The following DCDC1 variants were observed in gnomAD, a reference collection of about 807,000 sequenced individuals.
The protein encoded by DCDC1 is doublecortin domain containing 1.
A neutral mutation model predicts 178.3 loss-of-function variants in DCDC1; 200 were observed. The observed-to-expected ratio is 1.12, with a 90% CI of 1.00 to 1.26. The LOEUF (loss-of-function observed/expected upper bound fraction) is 1.26. Among genes scored for constraint, DCDC1 ranks in the 50% most tolerant of loss-of-function variants. The pLI is 0.00. For missense variants in DCDC1, 1,983 were observed against 1,749.2 expected (o/e 1.13, Z -2.38); for synonymous variants, 690 against 604.8 (o/e 1.14, Z -2.07).
rs978751309 is a variant in DCDC1 at position 31,094,178 on chromosome 11, G to A, written c.1990C>T (p.Pro664Ser). The change falls in exon 16 of 39, where the codon CCC becomes TCC. Residue 664 changes from proline to serine, a missense_variant. Coordinates refer to ENST00000684477, the MANE Select transcript of DCDC1 (RefSeq NM_001387274.1). ...ACAGAGGCATGAAGGACAATATTGG[G>A]ATCTACCTGTATCATAAGAAGAAGT... ...ENHFLQNKVD[P>S]NIVLHASVSI... 1 of 766,052 alleles carries A rather than the reference G, an allele frequency of 1.3e-6. No individual in the cohort carries two copies. Among genetic ancestry groups the A allele is most frequent in the Middle Eastern group, 2.3e-4 (1 of 4,428 alleles). 47.5% of individuals were successfully genotyped at this position (766,052 alleles called of 1,614,324 possible).
chr11:30,883,998 T>C (rs1212817130), intron 36 of DCDC1, among the ~76,000 whole-genome samples: 1 of 137,428 alleles, frequency 7.3e-6, no homozygotes, highest in African/African-American at 2.7e-5. Flanking sequence ...AAAAAGGAGG[T>C]GGGCAAGAAA....
chr11:31,162,076 T>C (rs1322536635), intron 9 of DCDC1, among the ~76,000 whole-genome samples: 1 of 152,192 alleles, frequency 6.6e-6, no homozygotes, highest in African/African-American at 2.4e-5. Context: ...GTTAATCTCA[T>C]GTTTTGGTAT....
At chr11:31,296,946 T>C (rs1422179239) in intron 6 of DCDC1, among the ~76,000 whole-genome samples, 2 of 152,172 alleles carry the variant, frequency 1.3e-5, no homozygotes, top group African/African-American at 2.4e-5. Context: ...AATATGAGAT[T>C]TCCGTGGGGA....
chr11:31,070,620 A>G (rs1378770705), intron 18 of DCDC1, among the ~76,000 whole-genome samples: 1 of 152,222 alleles, frequency 6.6e-6, no homozygotes, highest in Non-Finnish European at 1.5e-5. Flanking sequence ...TTCAACTTCC[A>G]TAACAGAGAA....
At chr11:31,097,538 T>C (rs1176398431) in intron 15 of DCDC1, among the ~76,000 whole-genome samples, 3 of 152,234 alleles carry the variant, frequency 2.0e-5, no homozygotes, top group Non-Finnish European at 4.4e-5. Context: ...TTCTCTCTTA[T>C]TGTTTCTATG....
At chr11:31,016,632 G>A (rs568052521) in intron 20 of DCDC1, among the ~76,000 whole-genome samples, 8 of 152,126 alleles carry the variant, frequency 5.3e-5, no homozygotes, top group African/African-American at 9.7e-5. Flanking sequence ...AATGCATTCC[G>A]TGGACAAAGC....
At chr11:31,049,467 A>G (rs979647318) in intron 20 of DCDC1, among the ~76,000 whole-genome samples, 2 of 152,228 alleles carry the variant, frequency 1.3e-5, no homozygotes, top group African/African-American at 4.8e-5. Context: ...CTAGACAAGA[A>G]TTAAAGATGT....
At chr11:31,133,000 T>C (rs542460078) in intron 10 of DCDC1, among the ~76,000 whole-genome samples, 3 of 152,360 alleles carry the variant, frequency 2.0e-5, no homozygotes, top group Admixed American at 2.0e-4. Context: ...CATGTTTGTA[T>C]GGTGTATGCA....
chr11:30,963,345 T>G (rs1949230544), intron 20 of DCDC1, among the ~76,000 whole-genome samples: 1 of 152,138 alleles, frequency 6.6e-6, no homozygotes, highest in East Asian at 1.9e-4. Context: ...TGTCAACTAA[T>G]TTTGCTTAAA....
At chr11:30,881,065 A>G in intron 37 of DCDC1, 93 bp downstream of exon 37, 1 of 1,398,442 alleles carries the variant, frequency 7.2e-7, no homozygotes, top group Non-Finnish European at 9.6e-7. Context: ...ATAATTATTA[A>G]AAATCATTGT....
intron 34 of DCDC1, among the ~76,000 whole-genome samples, chr11:30,894,978 G>C (rs1351035010): frequency 1.3e-5 from 2 of 152,006 alleles, no homozygotes; most frequent in Non-Finnish European, 2.9e-5. Flanking sequence ...AGAATCACAG[G>C]CACAATTTAA....
At position 31,220,490 on chromosome 11, in the gene DCDC1, T is replaced by C. The variant is rs115868061; in HGVS notation, c.1221+20960A>G. 9.3e-3 allele frequency among the ~76,000 whole-genome samples: 1,414 copies of C among 152,292 alleles called. 24 individuals carry two copies. Among genetic ancestry groups the C allele is most frequent in the African/African-American group, 0.032 (1,335 of 41,564 alleles). Reference sequence around the variant, plus strand: ...CAAAATGGTTTTGAGCAAGGCAGTATTGCTAAAATAACCTCACAAGATTGA... The same window carrying C: ...CAAAATGGTTTTGAGCAAGGCAGTACTGCTAAAATAACCTCACAAGATTGA... On this transcript the variant is annotated intron_variant, in intron 9 of 38. Coordinates refer to ENST00000684477, the MANE Select transcript of DCDC1 (RefSeq NM_001387274.1).
chr11:31,172,270 AT>A (rs1453981954), intron 9 of DCDC1, among the ~76,000 whole-genome samples: 1 of 152,096 alleles, frequency 6.6e-6, no homozygotes, highest in East Asian at 1.9e-4. Context: ...TTTGAAAAAA[AT>A]AATTATCAGA....
At chr11:31,164,914 CT>C (rs1966636310) in intron 9 of DCDC1, among the ~76,000 whole-genome samples, 1 of 152,140 alleles carries the variant, frequency 6.6e-6, no homozygotes, top group African/African-American at 2.4e-5. Flanking sequence ...GGTAAGTGCC[CT>C]GTACAGCTGT....
At chr11:31,174,177 G>T (rs1319183712) in intron 9 of DCDC1, among the ~76,000 whole-genome samples, 1 of 152,174 alleles carries the variant, frequency 6.6e-6, no homozygotes, top group Non-Finnish European at 1.5e-5. Context: ...AGCTGCAGCT[G>T]CAGACCCAGG....
chr11:31,122,417 A>T (rs1960944751), intron 11 of DCDC1, among the ~76,000 whole-genome samples: 1 of 152,120 alleles, frequency 6.6e-6, no homozygotes. Flanking sequence ...TTTTGAAAAA[A>T]TGCTGATGCT....
intron 9 of DCDC1, among the ~76,000 whole-genome samples, chr11:31,239,548 T>C (rs1052079103): frequency 3.2e-4 from 49 of 152,120 alleles, no homozygotes; most frequent in African/African-American, 1.2e-3. Context: ...TCTGCTTATT[T>C]TTCTTCATTT....
rs975284186 is a variant in DCDC1 at position 31,254,184 on chromosome 11, G to A, written c.1054+11323C>T. Among the ~76,000 whole-genome samples, 3 of 152,284 alleles carry A rather than the reference G, an allele frequency of 2.0e-5. No homozygotes were observed. The East Asian group carries it at 5.8e-4, about 29-fold the overall frequency. On this transcript the variant is annotated intron_variant, in intron 8 of 38. Transcript: ENST00000684477. ...ATGGAGAATTGGAAGATTATTCCAA[G>A]TGAGCAGAAAATAGCATAAAGAAGG...
chr11:31,001,688 C>G (rs747355750), intron 20 of DCDC1, among the ~76,000 whole-genome samples: 1 of 152,208 alleles, frequency 6.6e-6, no homozygotes, highest in Admixed American at 6.5e-5. Context: ...TCAAGCAGAT[C>G]TTTTCTGACA....
Sources: gnomAD v4.1 joint callset for allele counts (sites outside exome capture counted in the v4.1 genomes callset) on GRCh38, gnomAD v4.1.1 for gene constraint, MANE v1.5 for transcripts, NCBI Gene and HGNC (gene_info 2026-07-23, HGNC 2026-07-21) for gene names.